Variants in RBFOX1 observed in about 807,000 individuals in gnomAD.
RBFOX1 encodes RNA binding protein fox-1 homolog 1.
In RBFOX1, 8 loss-of-function variants were observed where a neutral mutation model predicts 57.7. That is an observed-to-expected ratio of 0.14 (90% CI 0.08 to 0.25). RBFOX1 has a LOEUF of 0.25. Among genes scored for constraint, RBFOX1 ranks in the 10% least tolerant of loss-of-function variants. The pLI is 1.00. For missense variants in RBFOX1, 611 were observed against 548.5 expected, an observed-to-expected ratio of 1.11 and a Z score of -1.14; for synonymous variants, 326 against 222.4, an observed-to-expected ratio of 1.47 and a Z score of -4.15.
At chr16:6,715,026 G>A (rs1278109621) in intron 3 of RBFOX1, among the ~76,000 whole-genome samples, 2 of 152,128 alleles carry the variant, frequency 1.3e-5, no homozygotes, top group Non-Finnish European at 2.9e-5. Context: ...GGAAGGAGGG[G>A]TAACTGCAGA....
intron 2 of RBFOX1, among the ~76,000 whole-genome samples, chr16:6,598,886 C>A (rs1041401209): frequency 4.6e-5 from 7 of 152,258 alleles, no homozygotes; most frequent in African/African-American, 1.7e-4. Context: ...ATGGAAGTTA[C>A]AGTGAGCTGA....
At chr16:5,695,653 T>G (rs4786057) in intron 3 of RBFOX1, among the ~76,000 whole-genome samples, 104,697 of 152,080 alleles carry the variant, frequency 0.69, 37,130 homozygotes, top group Non-Finnish European at 0.75. Context: ...ACGACGTGGT[T>G]TGGCTGAAAA....
intron 3 of RBFOX1, among the ~76,000 whole-genome samples, chr16:6,921,786 G>C (rs1446183205): frequency 6.6e-6 from 1 of 151,484 alleles, no homozygotes; most frequent in Non-Finnish European, 1.5e-5. Context: ...TGTTGTATAT[G>C]CACACACACA....
chr16:5,753,329 G>C (rs868242928), intron 3 of RBFOX1, among the ~76,000 whole-genome samples: 2 of 152,136 alleles, frequency 1.3e-5, no homozygotes, highest in South Asian at 4.1e-4. Context: ...GGTATAAATT[G>C]TCTATGAATT....
intron 1 of RBFOX1, among the ~76,000 whole-genome samples, chr16:6,148,136 C>T (rs1481590677): frequency 6.6e-6 from 1 of 152,166 alleles, no homozygotes; most frequent in Non-Finnish European, 1.5e-5. Context: ...CGACACCAGC[C>T]CGGCAAACAT....
chr16:6,414,518 C>A (rs2093565306), intron 2 of RBFOX1, among the ~76,000 whole-genome samples: 1 of 152,168 alleles, frequency 6.6e-6, no homozygotes, highest in Non-Finnish European at 1.5e-5. Context: ...TCTAAATAAA[C>A]AAGATAGTTT....
At chr16:6,487,170 G>C (rs1268468121) in intron 2 of RBFOX1, among the ~76,000 whole-genome samples, 4 of 132,650 alleles carry the variant, frequency 3.0e-5, no homozygotes, top group East Asian at 4.0e-4. Context: ...GTGTGTGTGT[G>C]TGTGTGTGTG....
chr16:6,817,984 C>A (rs561404440), intron 3 of RBFOX1, among the ~76,000 whole-genome samples: 1 of 152,130 alleles, frequency 6.6e-6, no homozygotes, highest in Non-Finnish European at 1.5e-5. Flanking sequence ...CGCAGGCCTG[C>A]CATCCTCAAG....
At chr16:5,897,016 CTTTTTTTTTTTTTT>C (rs575235024) in intron 4 of RBFOX1, among the ~76,000 whole-genome samples, 11 of 56,460 alleles carry the variant, frequency 1.9e-4, no homozygotes, top group African/African-American at 4.6e-4. Flanking sequence ...TATCCATCCG[CTTTTTTTTTTTTTT>C]TTTTTTTTTT....
At chr16:6,373,426 G>C (rs1040120484) in intron 2 of RBFOX1, among the ~76,000 whole-genome samples, 2 of 151,888 alleles carry the variant, frequency 1.3e-5, no homozygotes, top group African/African-American at 4.8e-5. Context: ...TGGAGATTGG[G>C]TGGAAGTATA....
chr16:7,685,549 T>C (rs1218035263), intron 14 of RBFOX1, among the ~76,000 whole-genome samples: 1 of 152,116 alleles, frequency 6.6e-6, no homozygotes, highest in Non-Finnish European at 1.5e-5. Context: ...ATGGTACTAA[T>C]TAGAATCAGA....
intron 3 of RBFOX1, among the ~76,000 whole-genome samples, chr16:6,654,945 T>C (rs192603679): frequency 1.8e-4 from 28 of 152,220 alleles, no homozygotes; most frequent in Admixed American, 1.6e-3. Flanking sequence ...ACTTGTCACA[T>C]TGAACTTGAA....
chr16:6,452,246 C>T (rs2094647016), intron 2 of RBFOX1, among the ~76,000 whole-genome samples: 1 of 151,698 alleles, frequency 6.6e-6, no homozygotes, highest in Admixed American at 6.6e-5. Context: ...TTCCATGACT[C>T]CATCCATGAC....
chr16:6,742,097 T>G (rs1331195666), intron 3 of RBFOX1, among the ~76,000 whole-genome samples: 1 of 152,202 alleles, frequency 6.6e-6, no homozygotes, highest in African/African-American at 2.4e-5. Context: ...TTGTACGTGA[T>G]AAATATATAC....
At chr16:7,233,045 C>G (rs1186666187) in intron 4 of RBFOX1, among the ~76,000 whole-genome samples, 2 of 152,070 alleles carry the variant, frequency 1.3e-5, no homozygotes, top group Non-Finnish European at 2.9e-5. Context: ...TTTTCAATCC[C>G]TTTTGCTTGC....
At chr16:5,454,937 TCC>T (rs1491053137) in intron 1 of RBFOX1, among the ~76,000 whole-genome samples, 30 of 46,488 alleles carry the variant, frequency 6.5e-4, no homozygotes, top group African/African-American at 1.1e-3. Context: ...CTTCCTTCCT[TCC>T]TTCCTTCCTT....
intron 2 of RBFOX1, among the ~76,000 whole-genome samples, chr16:6,585,938 G>C (rs939396142): frequency 6.6e-6 from 1 of 152,162 alleles, no homozygotes; most frequent in Non-Finnish European, 1.5e-5. Context: ...ATTAATTAAA[G>C]TGTGTCCAGA....
chr16:7,130,119 G>C (rs974312712), intron 4 of RBFOX1, among the ~76,000 whole-genome samples: 1 of 149,218 alleles, frequency 6.7e-6, no homozygotes, highest in Non-Finnish European at 1.5e-5. Context: ...TGCAACCTCT[G>C]CCTCCTGGGT....
intron 3 of RBFOX1, among the ~76,000 whole-genome samples, chr16:6,868,151 A>T (rs977897778): frequency 6.6e-6 from 1 of 152,238 alleles, no homozygotes; most frequent in African/African-American, 2.4e-5. Flanking sequence ...TTAGCAAATA[A>T]TTATTCCTAT....
Sources: allele counts gnomAD v4.1 joint callset (sites outside exome capture counted in the v4.1 genomes callset), GRCh38; gene constraint gnomAD v4.1.1; transcripts MANE v1.5; gene names NCBI Gene and HGNC (gene_info 2026-07-23, HGNC 2026-07-21).